Variants in ST6GALNAC3 observed in about 807,000 individuals in gnomAD.
The protein encoded by ST6GALNAC3 is alpha-N-acetylgalactosaminide alpha-2,6-sialyltransferase 3.
A neutral mutation model predicts 32.7 loss-of-function variants in ST6GALNAC3; 25 were observed. That is an observed-to-expected ratio of 0.76 (90% confidence interval 0.56 to 1.07). The LOEUF (loss-of-function observed/expected upper bound fraction) is 1.07, where lower values mean the gene tolerates loss of function less well. ST6GALNAC3 is among the 50% of genes least tolerant of loss of function. The pLI is 0.00. For synonymous variants in ST6GALNAC3, 129 were observed against 133.1 expected (o/e 0.97, Z 0.21); for missense variants, 355 against 382.4 (o/e 0.93, Z 0.60).
At chr1:76,436,749 T>A (rs190099784) in intron 3 of ST6GALNAC3, among the ~76,000 whole-genome samples, 1 of 152,112 alleles carries the variant, frequency 6.6e-6, no homozygotes, top group Non-Finnish European at 1.5e-5. Context: ...AATTGAGACA[T>A]AGTGATGCTG....
At chr1:76,390,119 GATTT>G (rs1225209428) in intron 2 of ST6GALNAC3, among the ~76,000 whole-genome samples, 1 of 151,960 alleles carries the variant, frequency 6.6e-6, no homozygotes, top group Non-Finnish European at 1.5e-5. Flanking sequence ...TTATATAAAT[GATTT>G]ATTATTTATG....
intron 2 of ST6GALNAC3, among the ~76,000 whole-genome samples, chr1:76,406,606 T>C (rs1653852741): frequency 6.6e-6 from 1 of 152,086 alleles, no homozygotes; most frequent in African/African-American, 2.4e-5. Flanking sequence ...GGTGAAGTTA[T>C]TGATTACAAG....
chr1:76,458,884 C>G (rs1571299934), intron 3 of ST6GALNAC3, among the ~76,000 whole-genome samples: 1 of 144,554 alleles, frequency 6.9e-6, no homozygotes, highest in African/African-American at 2.6e-5. Context: ...TAAAGTATAA[C>G]AATAATAAAT....
chr1:76,452,375 C>T (rs1657471911), intron 3 of ST6GALNAC3, among the ~76,000 whole-genome samples: 1 of 152,148 alleles, frequency 6.6e-6, no homozygotes, highest in Non-Finnish European at 1.5e-5. Flanking sequence ...ATAAATTACC[C>T]AGTCTCAGGT....
At chr1:76,366,062 T>G (rs1171543353) in intron 2 of ST6GALNAC3, among the ~76,000 whole-genome samples, 1 of 152,182 alleles carries the variant, frequency 6.6e-6, no homozygotes, top group Non-Finnish European at 1.5e-5. Context: ...CTTTAGATGA[T>G]TTCTTTTTTT....
intron 1 of ST6GALNAC3, among the ~76,000 whole-genome samples, chr1:76,185,046 C>T (rs1653467062): frequency 6.6e-6 from 1 of 152,046 alleles, no homozygotes; most frequent in South Asian, 2.1e-4. Flanking sequence ...CTCGCACAAC[C>T]CTGTGAATCC....
At chr1:76,391,530 T>TGA (rs1557847664) in intron 2 of ST6GALNAC3, among the ~76,000 whole-genome samples, 4 of 16,712 alleles carry the variant, frequency 2.4e-4, no homozygotes, top group South Asian at 6.5e-3. Flanking sequence ...AGACCTTCCT[T>TGA]CCTTCCTTCC....
chr1:76,636,964 T>G (rs1649519620), downstream of ST6GALNAC3: 1 of 152,200 alleles, frequency 6.6e-6, no homozygotes. Flanking sequence ...AATCTCTTTC[T>G]AAGAGTTGTA....
chr1:76,570,476 T>C (rs1665795943), intron 3 of ST6GALNAC3, among the ~76,000 whole-genome samples: 1 of 152,042 alleles, frequency 6.6e-6, no homozygotes, highest in Admixed American at 6.6e-5. Flanking sequence ...TCCAATCTCA[T>C]ACCTTCCTCT....
At chr1:76,140,012 C>G (rs888314732) in intron 1 of ST6GALNAC3, among the ~76,000 whole-genome samples, 2 of 152,162 alleles carry the variant, frequency 1.3e-5, no homozygotes, top group African/African-American at 4.8e-5. Flanking sequence ...TTGCCAAACG[C>G]TCATTTAGAT....
intron 1 of ST6GALNAC3, among the ~76,000 whole-genome samples, chr1:76,123,127 T>G (rs914868370): frequency 1.3e-5 from 2 of 152,164 alleles, no homozygotes; most frequent in African/African-American, 4.8e-5. Context: ...ATCCCAGCAC[T>G]TTGGAAGGCC....
intron 2 of ST6GALNAC3, among the ~76,000 whole-genome samples, chr1:76,332,754 A>C (rs1487028153): frequency 6.6e-6 from 1 of 152,170 alleles, no homozygotes; most frequent in Non-Finnish European, 1.5e-5. Context: ...CACAGTACTC[A>C]TGCTTTGCCC....
chr1:76,343,988 G>C (rs570384592), intron 2 of ST6GALNAC3, among the ~76,000 whole-genome samples: 1 of 152,340 alleles, frequency 6.6e-6, no homozygotes, highest in African/African-American at 2.4e-5. Context: ...GATTGGACAA[G>C]GGGCAAGTAG....
At chr1:76,479,442 G>A (rs933167514) in intron 3 of ST6GALNAC3, among the ~76,000 whole-genome samples, 8 of 152,172 alleles carry the variant, frequency 5.3e-5, no homozygotes, top group African/African-American at 1.7e-4. Flanking sequence ...CGTGACTTAT[G>A]ATGAACAGAA....
chr1:76,541,666 C>T (rs1173312560), intron 3 of ST6GALNAC3, among the ~76,000 whole-genome samples: 1 of 152,216 alleles, frequency 6.6e-6, no homozygotes, highest in African/African-American at 2.4e-5. Flanking sequence ...TGTCTTCCTA[C>T]TGCACTAATA....
chr1:76,415,593 T>C (rs1320124473), intron 3 of ST6GALNAC3, among the ~76,000 whole-genome samples: 3 of 152,122 alleles, frequency 2.0e-5, no homozygotes, highest in Non-Finnish European at 4.4e-5. Flanking sequence ...TGGGAACCTC[T>C]TCAAATTGGC....
At chr1:76,486,107 G>A (rs1052479663) in intron 3 of ST6GALNAC3, among the ~76,000 whole-genome samples, 1 of 152,172 alleles carries the variant, frequency 6.6e-6, no homozygotes, top group Non-Finnish European at 1.5e-5. Context: ...TATAATTTCT[G>A]TTCTTTTACA....
chr1:76,107,114 A>C (rs1005577170), intron 1 of ST6GALNAC3, among the ~76,000 whole-genome samples: 3 of 152,196 alleles, frequency 2.0e-5, no homozygotes, highest in African/African-American at 7.2e-5. Flanking sequence ...CATGGAGAGA[A>C]CTTACATTGT....
In ST6GALNAC3 at chr1:76,479,147, T is replaced by G. The variant is rs140384596; in HGVS notation, c.623+66730T>G. On this transcript the variant is annotated intron_variant, in intron 3 of 4. Coordinates refer to ENST00000328299, the MANE Select transcript of ST6GALNAC3 (RefSeq NM_152996.4). Reference sequence around the variant, plus strand: ...AGACATGTAACAGAACTAAATACTTTCCACTCCACAAAAGAAGAGGCTATT... The same window carrying G: ...AGACATGTAACAGAACTAAATACTTGCCACTCCACAAAAGAAGAGGCTATT... Among the ~76,000 whole-genome samples the G allele has an allele frequency of 5.6e-4, 86 of 152,290 alleles. No individual in the cohort carries two copies. The East Asian group carries it at 0.015, about 26-fold the overall frequency.
Sources: allele counts gnomAD v4.1 joint callset (sites outside exome capture counted in the v4.1 genomes callset), GRCh38; gene constraint gnomAD v4.1.1; transcripts MANE v1.5; gene names NCBI Gene and HGNC (gene_info 2026-07-23, HGNC 2026-07-21).